The following NR3C1 variants were observed in gnomAD, a reference collection of about 807,000 sequenced individuals.
NR3C1 encodes the protein glucocorticoid receptor.
NR3C1 carries 14 observed loss-of-function variants against 74.0 expected under a neutral mutation model. That is an observed-to-expected ratio of 0.19 (90% CI 0.12 to 0.30). NR3C1 has a LOEUF of 0.30. Among genes scored for constraint, NR3C1 ranks in the 10% least tolerant of loss-of-function variants. The probability of loss-of-function intolerance (pLI) is 1.00; values close to 1 mark genes in which losing one functional copy is unlikely to be tolerated. For missense variants in NR3C1, 695 were observed against 909.8 expected (o/e 0.76, Z 3.04); for synonymous variants, 308 against 332.5 (o/e 0.93, Z 0.80).
rs926353894 is a variant in NR3C1 at position 143,403,573 on chromosome 5, A to G, written c.-376T>C. ...GGTGACTCGGGCTCCCGTCACAGACACGAGCTCGCAAAATGGAGGAGGCGG... is the reference window on the plus strand; with the variant it reads ...GGTGACTCGGGCTCCCGTCACAGACGCGAGCTCGCAAAATGGAGGAGGCGG... On this transcript the variant is annotated 5_prime_UTR_variant, in exon 1 of 9. Transcript: ENST00000394464. 7 of 986,046 alleles carry G rather than the reference A, an allele frequency of 7.1e-6. No homozygotes were observed. Among genetic ancestry groups the G allele is most frequent in the Non-Finnish European group, 8.4e-6 (7 of 830,584 alleles). 61.1% of individuals were successfully genotyped at this position (986,046 alleles called of 1,614,324 possible). A position where few individuals can be genotyped will look rare whatever the true frequency, so the allele number is the denominator to read the frequency against.
chr5:143,320,119 T>G (rs1405846811), intron 2 of NR3C1, among the ~76,000 whole-genome samples: 1 of 152,362 alleles, frequency 6.6e-6, no homozygotes, highest in South Asian at 2.1e-4. Context: ...TGATTATATT[T>G]TCTGACTGCC....
chr5:143,337,811 T>C (rs187752232), intron 2 of NR3C1, among the ~76,000 whole-genome samples: 45 of 152,304 alleles, frequency 3.0e-4, no homozygotes, highest in Middle Eastern at 3.4e-3. Context: ...AACTGAGTTA[T>C]ATTGTTTAAG....
In NR3C1 at chr5:143,381,771, A is replaced by G. The variant is rs562516250; in HGVS notation, c.1184+17885T>C. Among the ~76,000 whole-genome samples the G allele has an allele frequency of 5.9e-5, 9 of 152,290 alleles. No individual in the cohort carries two copies. The South Asian group carries it at 1.9e-3, about 32-fold the overall frequency. On this transcript the variant is annotated intron_variant, in intron 2 of 8. Transcript: ENST00000394464. ...ACCCCTATCTCTCACCACATATAAA[A>G]ATCAAATAAAAATGGACTAAAGCCC...
At chr5:143,323,596 C>T (rs1166711741) in intron 2 of NR3C1, among the ~76,000 whole-genome samples, 1 of 152,170 alleles carries the variant, frequency 6.6e-6, no homozygotes, top group Non-Finnish European at 1.5e-5. Flanking sequence ...ATCTCATGTC[C>T]TCACATTTCA....
At position 143,403,332 on chromosome 5, in the gene NR3C1, G is replaced by A. The variant is rs1043895716; in HGVS notation, c.-135C>T. On this transcript the variant is annotated 5_prime_UTR_variant, in exon 1 of 9. Transcript: ENST00000394464. ...AATATATTTTTTTTTTCTAAAAAAA[G>A]GAAGTAAACAGCCGCCCCTTTCTCC... 1.0e-6 allele frequency: 1 copy of A among 985,124 alleles called. No homozygotes were observed. The allele number at this position is 985,124 out of a possible 1,614,324, so 61.0% of individuals were successfully genotyped here. A position where few individuals can be genotyped will look rare whatever the true frequency, so the allele number is the denominator to read the frequency against.
intron 1 of NR3C1, among the ~76,000 whole-genome samples, chr5:143,431,904 C>T (rs969097832): frequency 2.6e-5 from 4 of 152,198 alleles, no homozygotes; most frequent in African/African-American, 9.7e-5. Context: ...ACAATTACTA[C>T]AGCAATTACA....
rs1245571290 is a variant in NR3C1 at position 143,280,235 on chromosome 5, ATT to A, written c.*1652_*1653del. The A allele has an allele frequency of 6.6e-6, 1 of 152,638 alleles. No individual in the cohort carries two copies. The highest frequency in any genetic ancestry group is 1.5e-5 in the Non-Finnish European group (1 of 68,032). The allele number at this position is 152,638 out of a possible 1,614,324, so 9.5% of individuals were successfully genotyped here. Reference sequence around the variant, plus strand: ...GATAAAACAATCTCATCTAAAAATCATTCTTATTTTACACTATACAAGCTATT... The same window carrying A: ...GATAAAACAATCTCATCTAAAAATCACTTATTTTACACTATACAAGCTATT... On this transcript the variant is annotated 3_prime_UTR_variant, in exon 9 of 9. Transcript: ENST00000394464.
At chr5:143,282,278 T>C (rs2151474483) in intron 8 of NR3C1, among the ~76,000 whole-genome samples, 1 of 152,298 alleles carries the variant, frequency 6.6e-6, no homozygotes, top group African/African-American at 2.4e-5. Context: ...ATATGAAGGG[T>C]GCATTATTCT....
At chr5:143,326,118 T>TAA (rs1824551086) in intron 2 of NR3C1, among the ~76,000 whole-genome samples, 1 of 152,228 alleles carries the variant, frequency 6.6e-6, no homozygotes, top group Non-Finnish European at 1.5e-5. Context: ...TTGGGCCTTT[T>TAA]ATTTGCCCAA....
chr5:143,352,623 A>C (rs1047363537), intron 2 of NR3C1, among the ~76,000 whole-genome samples: 1 of 152,236 alleles, frequency 6.6e-6, no homozygotes, highest in Non-Finnish European at 1.5e-5. Context: ...AAAGCAAGTC[A>C]GACGAATTTT....
chr5:143,406,247 C>G (rs1054237954), upstream of NR3C1, among the ~76,000 whole-genome samples: 44 of 151,920 alleles, frequency 2.9e-4, no homozygotes, highest in African/African-American at 1.0e-3. Flanking sequence ...CACCTCATCG[C>G]TCATACATGC....
intron 2 of NR3C1, chr5:143,389,832 G>T: frequency 2.2e-6 from 1 of 445,022 alleles, no homozygotes; most frequent in Non-Finnish European, 3.0e-6. Flanking sequence ...GAGGTTCAAG[G>T]CAAATAAAGC....
chr5:143,413,263 C>A (rs1351477677), intron 1 of NR3C1, among the ~76,000 whole-genome samples: 22 of 151,824 alleles, frequency 1.4e-4, no homozygotes. Flanking sequence ...AGATGGTGGT[C>A]ACGGAGGGTT....
chr5:143,286,296 T>A (rs897888806), intron 7 of NR3C1, among the ~76,000 whole-genome samples: 2 of 152,108 alleles, frequency 1.3e-5, no homozygotes, highest in Non-Finnish European at 2.9e-5. Flanking sequence ...AATAATACCA[T>A]ATTATCATAA....
chr5:143,327,584 A>T (rs142327762), intron 2 of NR3C1, among the ~76,000 whole-genome samples: 13,799 of 152,304 alleles, frequency 0.091, 910 homozygotes, highest in Non-Finnish European at 0.14. Flanking sequence ...TAAAATCAAA[A>T]GCAAGTTAGT....
chr5:143,305,738 G>A lies in NR3C1; in HGVS notation c.1468+4359C>T, dbSNP rs1045075499. Among the ~76,000 whole-genome samples, 7 of 152,184 alleles carry A rather than the reference G, an allele frequency of 4.6e-5. No homozygotes were observed. The South Asian group carries it at 6.2e-4, about 14-fold the overall frequency. On this transcript the variant is annotated intron_variant, in intron 4 of 8. Coordinates refer to ENST00000394464, the MANE Select transcript of NR3C1 (RefSeq NM_000176.3). ...CAGACACTGGGAAATACAAGAGGGGGGATAGAGGAAGGGAGGCACAGGTTA... is the reference window on the plus strand; with the variant it reads ...CAGACACTGGGAAATACAAGAGGGGAGATAGAGGAAGGGAGGCACAGGTTA...
chr5:143,329,396 G>A (rs1407666619), intron 2 of NR3C1, among the ~76,000 whole-genome samples: 1 of 152,156 alleles, frequency 6.6e-6, no homozygotes, highest in South Asian at 2.1e-4. Flanking sequence ...GGGACACAGA[G>A]CCAAACCATA....
chr5:143,313,847 T>C (rs1821486324), intron 3 of NR3C1, 155 bp downstream of exon 3: 1 of 671,658 alleles, frequency 1.5e-6, no homozygotes, highest in African/African-American at 1.8e-5. Flanking sequence ...TTAAATACTT[T>C]CCTGCCCATT....
chr5:143,410,316 G>A (rs1841249063), intron 1 of NR3C1, among the ~76,000 whole-genome samples: 1 of 152,122 alleles, frequency 6.6e-6, no homozygotes, highest in Non-Finnish European at 1.5e-5. Context: ...TCTTATTAGA[G>A]CACACAGGGT....
Sources: gnomAD v4.1 joint callset for allele counts (sites outside exome capture counted in the v4.1 genomes callset) on GRCh38, gnomAD v4.1.1 for gene constraint, MANE v1.5 for transcripts, NCBI Gene and HGNC (gene_info 2026-07-23, HGNC 2026-07-21) for gene names.